The following KCNG3 variants were observed in gnomAD, a reference collection of about 807,000 sequenced individuals.
KCNG3 encodes potassium voltage-gated channel modifier subfamily G member 3.
In KCNG3, 15 loss-of-function variants were observed where a neutral mutation model predicts 29.0. The ratio of observed to expected loss-of-function variants is 0.52; its 90% CI spans 0.35 to 0.80. KCNG3 has a LOEUF of 0.80. Ranked by LOEUF, KCNG3 falls within the 30% of genes least tolerant of loss-of-function variation. The pLI, the probability that KCNG3 is intolerant of heterozygous loss-of-function variation, is 0.01. For missense variants in KCNG3, 512 were observed against 605.7 expected (o/e 0.85, Z 1.62); for synonymous variants, 322 against 248.9 (o/e 1.29, Z -2.76).
In KCNG3 at chr2:42,475,959, G is replaced by A. The variant is rs534192351; in HGVS notation, c.665+16878C>T. On this transcript the variant is annotated intron_variant, in intron 1 of 1. Coordinates refer to ENST00000306078, the MANE Select transcript of KCNG3 (RefSeq NM_133329.6). ...CACATGCCTGTAATCCCAGCTACTC[G>A]GGAGGCTGAGGCAGGAGAATCACTT... Among the ~76,000 whole-genome samples the A allele has an allele frequency of 1.1e-4, 17 of 152,176 alleles. No individual in the cohort carries two copies. The East Asian group carries it at 2.5e-3, about 23-fold the overall frequency.
chr2:42,415,742 A>T, the KCNG3 span, among the ~76,000 whole-genome samples: 3 of 152,228 alleles, frequency 2.0e-5, no homozygotes, highest in South Asian at 6.2e-4. Flanking sequence ...AACAAAACAA[A>T]ACAAAACAAA....
chr2:42,434,082 T>G, the KCNG3 span, among the ~76,000 whole-genome samples: 1 of 152,158 alleles, frequency 6.6e-6, no homozygotes, highest in Non-Finnish European at 1.5e-5. Context: ...ATCTACAGAT[T>G]CAATGTATTC....
chr2:42,466,269 G>A (rs1020286440), intron 1 of KCNG3, among the ~76,000 whole-genome samples: 2 of 152,102 alleles, frequency 1.3e-5, no homozygotes, highest in African/African-American at 4.8e-5. Context: ...AGTCAGGCGT[G>A]GTGGTGCCTG....
the KCNG3 span, among the ~76,000 whole-genome samples, chr2:42,403,654 G>A: frequency 7.4e-5 from 11 of 147,740 alleles, no homozygotes; most frequent in African/African-American, 2.0e-4. Flanking sequence ...TAGTAGAGAC[G>A]GGGTTTCACC....
the KCNG3 span, among the ~76,000 whole-genome samples, chr2:42,389,115 A>G: frequency 6.6e-6 from 1 of 152,194 alleles, no homozygotes; most frequent in East Asian, 1.9e-4. Flanking sequence ...ACAAGGTTTC[A>G]CCATGTTGGC....
intron 1 of KCNG3, among the ~76,000 whole-genome samples, chr2:42,477,410 C>CACAA (rs1472461433): frequency 1.9e-5 from 1 of 51,366 alleles, no homozygotes; most frequent in Admixed American, 2.8e-4. Flanking sequence ...CACACACACA[C>CACAA]ACACACACAC....
At chr2:42,406,184 A>G in the KCNG3 span, among the ~76,000 whole-genome samples, 2 of 152,044 alleles carry the variant, frequency 1.3e-5, no homozygotes, top group African/African-American at 4.8e-5. Context: ...ATTCAGTTCC[A>G]GATATTTGGT....
rs934151964 is a variant in KCNG3, at chr2:42,479,817, C to G, written c.665+13020G>C. On this transcript the variant is annotated intron_variant, in intron 1 of 1. Coordinates refer to ENST00000306078, the MANE Select transcript of KCNG3 (RefSeq NM_133329.6). ...CTTGAGGCCAGGAGTTCAAGACCTG[C>G]CTGGGCAACATGGTGAAACCCTGTC... 2.0e-5 allele frequency among the ~76,000 whole-genome samples: 3 copies of G among 152,252 alleles called. No individual in the cohort carries two copies. The East Asian group carries it at 5.8e-4, about 29-fold the overall frequency.
At chr2:42,469,425 A>G (rs1296441267) in intron 1 of KCNG3, among the ~76,000 whole-genome samples, 1 of 151,762 alleles carries the variant, frequency 6.6e-6, no homozygotes, top group Non-Finnish European at 1.5e-5. Context: ...TCAAAAAAAA[A>G]AAAAAAAAAT....
intron 1 of KCNG3, among the ~76,000 whole-genome samples, chr2:42,449,510 ATTTC>A (rs1672694057): frequency 8.0e-6 from 1 of 125,470 alleles, no homozygotes; most frequent in Non-Finnish European, 1.6e-5. Flanking sequence ...AGCCACTGAG[ATTTC>A]TTTTTTTTTT....
At chr2:42,427,777 TTC>T in the KCNG3 span, among the ~76,000 whole-genome samples, 4 of 152,188 alleles carry the variant, frequency 2.6e-5, no homozygotes, top group Non-Finnish European at 5.9e-5. Context: ...AAAATCTACA[TTC>T]TGTTACCTTT....
the KCNG3 span, among the ~76,000 whole-genome samples, chr2:42,419,443 T>G: frequency 4.6e-5 from 7 of 151,842 alleles, no homozygotes; most frequent in Non-Finnish European, 1.5e-5. Flanking sequence ...GGTTTCGCCA[T>G]GTTGGTCAGG....
rs543814393 is a variant in KCNG3 at position 42,486,199 on chromosome 2, G to C, written c.665+6638C>G. On this transcript the variant is annotated intron_variant, in intron 1 of 1. Transcript: ENST00000306078. ...TCAAGCGAGAGGGTCCCCAGTGCCT[G>C]TGGGCCCTAGCACAGCTTCACACAA... 1.8e-4 allele frequency among the ~76,000 whole-genome samples: 28 copies of C among 152,326 alleles called. 1 individual carries two copies. Among genetic ancestry groups the C allele is most frequent in the African/African-American group, 6.5e-4 (27 of 41,582 alleles).
At chr2:42,397,320 T>C in the KCNG3 span, among the ~76,000 whole-genome samples, 1 of 151,936 alleles carries the variant, frequency 6.6e-6, no homozygotes, top group Non-Finnish European at 1.5e-5. Flanking sequence ...TAGGATATAC[T>C]GGCAGAAAAA....
At chr2:42,487,761 G>A (rs531525661) in intron 1 of KCNG3, among the ~76,000 whole-genome samples, 1 of 152,218 alleles carries the variant, frequency 6.6e-6, no homozygotes, top group South Asian at 2.1e-4. Flanking sequence ...TTAACTCTCA[G>A]GAATGTATCC....
At chr2:42,435,991 T>C in the KCNG3 span, among the ~76,000 whole-genome samples, 1 of 152,154 alleles carries the variant, frequency 6.6e-6, no homozygotes, top group East Asian at 1.9e-4. Flanking sequence ...CAAGTGTCCA[T>C]CAACTGATGC....
At chr2:42,474,895 T>C (rs1199470500) in intron 1 of KCNG3, among the ~76,000 whole-genome samples, 5 of 152,164 alleles carry the variant, frequency 3.3e-5, no homozygotes, top group Non-Finnish European at 5.9e-5. Flanking sequence ...GGAGCCAGCC[T>C]GCCTTACTCC....
chr2:42,477,382 T>TACACACACACACACACACACACACAC (rs1328091998), intron 1 of KCNG3, among the ~76,000 whole-genome samples: 3 of 105,218 alleles, frequency 2.9e-5, no homozygotes, highest in East Asian at 3.4e-4. Flanking sequence ...TACACACACA[T>TACACACACACACACACACACACACAC]ATATATACAC....
At chr2:42,395,697 G>A in the KCNG3 span, among the ~76,000 whole-genome samples, 1 of 152,156 alleles carries the variant, frequency 6.6e-6, no homozygotes. Context: ...ACTCACGCCT[G>A]TAACCCCAAT....
Sources: gnomAD v4.1 joint callset for allele counts (sites outside exome capture counted in the v4.1 genomes callset) on GRCh38, gnomAD v4.1.1 for gene constraint, MANE v1.5 for transcripts, NCBI Gene and HGNC (gene_info 2026-07-23, HGNC 2026-07-21) for gene names.